The following STAT5B variants were observed in gnomAD, a reference collection of about 807,000 sequenced individuals.
STAT5B encodes the protein transcription factor STAT5B.
A neutral mutation model predicts 107.8 loss-of-function variants in STAT5B; 21 were observed. The ratio of observed to expected loss-of-function variants is 0.19; its 90% CI spans 0.14 to 0.28. STAT5B has a LOEUF of 0.28. Ranked by LOEUF, STAT5B falls within the 10% of genes least tolerant of loss-of-function variation. The pLI is 1.00. For missense variants in STAT5B, 565 were observed against 1,008.2 expected (o/e 0.56, Z 5.95); for synonymous variants, 325 against 401.7 (o/e 0.81, Z 2.28).
intron 9 of STAT5B, chr17:42,217,950 C>T: frequency 2.4e-6 from 2 of 823,026 alleles, no homozygotes; most frequent in Non-Finnish European, 3.7e-6. Context: ...AGGTGATCTG[C>T]CCACCTCGGC....
At chr17:42,220,180 G>T (rs1239689360) in intron 5 of STAT5B, among the ~76,000 whole-genome samples, 2 of 152,194 alleles carry the variant, frequency 1.3e-5, no homozygotes, top group Non-Finnish European at 2.9e-5. Flanking sequence ...AGGCTGTCTG[G>T]GGTGTAAGTG....
In STAT5B at chr17:42,201,850, A is replaced by G; in HGVS notation, c.2252T>C (p.Leu751Pro). ...CAGATCGAAGTCCCCATCGGTGTCA[A>G]GGACTGAGTCAGGGCTTGGGAGGGA... is the stretch of plus-strand genomic sequence containing the variant. ...NMYPQNPDSV[L>P]DTDGDFDLED... The change falls in exon 19 of 19, where the codon CTT becomes CCT. Residue 751 changes from leucine to proline, a missense_variant. Physicochemically the swap from Leu to Pro is moderately conservative, Grantham distance 98. Coordinates refer to ENST00000293328, the MANE Select transcript of STAT5B (RefSeq NM_012448.4). 1 of 1,613,968 alleles carries G rather than the reference A, an allele frequency of 6.2e-7. No homozygotes were observed. Among genetic ancestry groups the G allele is most frequent in the Non-Finnish European group, 8.5e-7 (1 of 1,179,976 alleles).
At chr17:42,214,733 A>G (rs552635956) in intron 12 of STAT5B, 1 of 858,794 alleles carries the variant, frequency 1.2e-6, no homozygotes, top group East Asian at 1.2e-4. Flanking sequence ...ATATGTAACA[A>G]ATGACCTTTG....
Position 42,276,191 on chromosome 17 carries a change from G to C in STAT5B, c.-11+57C>G, listed in dbSNP as rs1433484261. The C allele has an allele frequency of 2.7e-5, 4 of 148,016 alleles. No individual in the cohort carries two copies. The highest frequency in any genetic ancestry group is 6.0e-5 in the Non-Finnish European group (4 of 66,462). The allele number at this position is 148,016 out of a possible 1,614,324, so 9.2% of individuals were successfully genotyped here. On this transcript the variant is annotated intron_variant, in intron 1 of 18. Transcript: ENST00000293328. The surrounding 1 kb of genome is among the most constrained non-coding windows in gnomAD (Gnocchi z 4.8). ...CTGGAGCGCGGGCCCCGCCCGGGCT[G>C]GCTCCCCGGCCTGGCTCCCCCGGCC...
chr17:42,238,169 C>T (rs2080372322), intron 1 of STAT5B, among the ~76,000 whole-genome samples: 1 of 151,668 alleles, frequency 6.6e-6, no homozygotes, highest in Non-Finnish European at 1.5e-5. Context: ...GGTCTTACTC[C>T]ATCACTCAGG....
chr17:42,227,901 T>TA (rs56817869), intron 2 of STAT5B, among the ~76,000 whole-genome samples: 1,794 of 150,476 alleles, frequency 0.012, 28 homozygotes, highest in African/African-American at 0.042. Flanking sequence ...TTCCTTCTTT[T>TA]AAAAAAAAAA....
chr17:42,282,625 C>T, the STAT5B span, among the ~76,000 whole-genome samples: 1 of 152,200 alleles, frequency 6.6e-6, no homozygotes, highest in African/African-American at 2.4e-5. Flanking sequence ...CAGGCTTGAG[C>T]CACCGCACCG....
the STAT5B span, among the ~76,000 whole-genome samples, chr17:42,287,306 G>A: frequency 6.7e-6 from 1 of 150,330 alleles, no homozygotes; most frequent in South Asian, 2.1e-4. Context: ...AGAAGCAGCT[G>A]GGGAGGGAGG....
chr17:42,238,451 C>CTTT (rs75642417), intron 1 of STAT5B, among the ~76,000 whole-genome samples: 18 of 124,840 alleles, frequency 1.4e-4, no homozygotes, highest in African/African-American at 5.4e-4. Context: ...TGTGCCTGGC[C>CTTT]TTTTTTTTTT....
intron 1 of STAT5B, among the ~76,000 whole-genome samples, chr17:42,253,954 C>T (rs192317125): frequency 5.3e-5 from 8 of 152,246 alleles, no homozygotes; most frequent in East Asian, 3.9e-4. Context: ...CTATGGGCTT[C>T]GGCCTAAACT....
At chr17:42,244,070 AT>A (rs564141736) in intron 1 of STAT5B, among the ~76,000 whole-genome samples, 2 of 149,524 alleles carry the variant, frequency 1.3e-5, no homozygotes, top group Non-Finnish European at 3.0e-5. Flanking sequence ...TACCTTCAGA[AT>A]TTTTTTCTTT....
In STAT5B at chr17:42,201,498, G is replaced by C; in HGVS notation, c.*240C>G. On this transcript the variant is annotated 3_prime_UTR_variant, in exon 19 of 19. Coordinates refer to ENST00000293328, the MANE Select transcript of STAT5B (RefSeq NM_012448.4). ...CAACTAAACTCTCAGACAGTGAGAG[G>C]GAGAAACACCATAACGTGCAAACAC... The C allele has an allele frequency of 1.6e-6, 1 of 623,000 alleles. No homozygotes were observed. Among genetic ancestry groups the C allele is most frequent in the East Asian group, 2.7e-5 (1 of 36,424 alleles). 38.6% of individuals were successfully genotyped at this position (623,000 alleles called of 1,614,324 possible).
chr17:42,252,813 GAGA>G (rs1424604543), intron 1 of STAT5B, among the ~76,000 whole-genome samples: 10 of 152,216 alleles, frequency 6.6e-5, no homozygotes, highest in Non-Finnish European at 1.3e-4. Flanking sequence ...CAATTTCAAA[GAGA>G]AGAATTACAT....
chr17:42,236,129 G>A (rs1344417686), intron 1 of STAT5B, among the ~76,000 whole-genome samples: 1 of 152,110 alleles, frequency 6.6e-6, no homozygotes, highest in East Asian at 1.9e-4. Flanking sequence ...CATCCCATTT[G>A]AAGGATAATA....
intron 16 of STAT5B, among the ~76,000 whole-genome samples, chr17:42,203,341 A>G (rs983284781): frequency 2.0e-5 from 3 of 152,182 alleles, no homozygotes; most frequent in African/African-American, 7.2e-5. Flanking sequence ...TGGATGTTTC[A>G]ATAAATTCTT....
rs571521187 is a variant in STAT5B at position 42,262,896 on chromosome 17, GTA to G, written c.-11+13350_-11+13351del. 3.2e-3 allele frequency among the ~76,000 whole-genome samples: 362 copies of G among 111,820 alleles called. 4 individuals carry two copies. Among genetic ancestry groups the G allele is most frequent in the African/African-American group, 0.012 (336 of 28,700 alleles). 73.4% of individuals were successfully genotyped at this position (111,820 alleles called of 152,430 possible). A position where few individuals can be genotyped will look rare whatever the true frequency, so the allele number is the denominator to read the frequency against. On this transcript the variant is annotated intron_variant, in intron 1 of 18. Transcript: ENST00000293328. ...TGTATATATACACATATATATGTGT[GTA>G]TATATATGTGTATATATATGTGTGT...
intron 18 of STAT5B, 135 bp from the exon 19 acceptor site, chr17:42,201,999 C>G: frequency 1.2e-6 from 1 of 815,632 alleles, no homozygotes; most frequent in Non-Finnish European, 2.0e-6. Flanking sequence ...AAAGAACAAC[C>G]ATTCAAACAG....
chr17:42,209,032 CT>C (rs112426873), intron 15 of STAT5B, among the ~76,000 whole-genome samples: 2,493 of 135,622 alleles, frequency 0.018, 65 homozygotes, highest in African/African-American at 0.059. Context: ...CGCACCCAGC[CT>C]TTTTTTTTTT....
chr17:42,237,944 T>C (rs2080369470), intron 1 of STAT5B, among the ~76,000 whole-genome samples: 3 of 152,228 alleles, frequency 2.0e-5, no homozygotes, highest in Non-Finnish European at 4.4e-5. Flanking sequence ...TACTCACTAC[T>C]GTTCTTACTG....
Sources: allele counts gnomAD v4.1 joint callset (sites outside exome capture counted in the v4.1 genomes callset), GRCh38; gene constraint gnomAD v4.1.1; non-coding constraint Gnocchi (gnomAD v3.1); transcripts MANE v1.5; gene names NCBI Gene and HGNC (gene_info 2026-07-23, HGNC 2026-07-21).